Variants in CYYR1 observed in about 807,000 individuals in gnomAD.
CYYR1 encodes the protein cysteine and tyrosine rich 1, also known as cysteine and tyrosine-rich protein 1.
Under a neutral mutation model 15.2 loss-of-function variants are expected in CYYR1, and 14 were observed. The observed-to-expected ratio is 0.92, with a 90% CI of 0.61 to 1.44. The LOEUF (loss-of-function observed/expected upper bound fraction) is 1.44, where lower values mean the gene tolerates loss of function less well. Among genes scored for constraint, CYYR1 ranks in the 40% most tolerant of loss-of-function variants. CYYR1 has a pLI of 0.00. For missense variants in CYYR1, 228 were observed against 209.5 expected (o/e 1.09, Z -0.54); for synonymous variants, 80 against 77.4 (o/e 1.03, Z -0.18).
chr21:26,468,656 ACAT>A, intron 3 of CYYR1, 22 bp from the exon 4 acceptor site: 3 of 1,541,220 alleles, frequency 1.9e-6, no homozygotes, highest in Non-Finnish European at 2.7e-6. Context: ...GGGGAAGAGA[ACAT>A]CAAGGAGTTA....
intron 2 of CYYR1, among the ~76,000 whole-genome samples, chr21:26,523,667 G>T (rs138505937): frequency 1.3e-4 from 20 of 152,130 alleles, no homozygotes; most frequent in African/African-American, 4.1e-4. Flanking sequence ...TAAATCTTTG[G>T]CTAGAAATAC....
intron 2 of CYYR1, chr21:26,506,425 G>C (rs573812311): frequency 6.6e-6 from 1 of 152,136 alleles, no homozygotes; most frequent in Non-Finnish European, 1.5e-5. Context: ...ATTTTTGACT[G>C]TCATTGTATT....
chr21:26,530,536 A>C (rs2065918594), intron 2 of CYYR1, among the ~76,000 whole-genome samples: 1 of 152,062 alleles, frequency 6.6e-6, no homozygotes, highest in African/African-American at 2.4e-5. Flanking sequence ...ATATGTATAC[A>C]CGTGCCATGG....
intron 2 of CYYR1, among the ~76,000 whole-genome samples, chr21:26,530,205 T>G (rs2065914178): frequency 6.6e-6 from 1 of 152,170 alleles, no homozygotes; most frequent in Non-Finnish European, 1.5e-5. Flanking sequence ...GAATTCAATC[T>G]GCTCCAGCAG....
At chr21:26,558,751 T>G (rs1217630449) in intron 2 of CYYR1, among the ~76,000 whole-genome samples, 1 of 152,218 alleles carries the variant, frequency 6.6e-6, no homozygotes, top group Non-Finnish European at 1.5e-5. Context: ...CACATTGCTC[T>G]TCAGTTAGCT....
Position 26,467,003 on chromosome 21 carries a change from AG to A in CYYR1, c.*1497del, listed in dbSNP as rs1233021264. On this transcript the variant is annotated 3_prime_UTR_variant, in exon 4 of 4. Coordinates refer to ENST00000652641, the MANE Select transcript of CYYR1 (RefSeq NM_001320768.2). ...TATATGCTACTTATAATAATGATAT[AG>A]TAAGCTTCTTATCTGCAAGTACAGG... The A allele has an allele frequency of 6.6e-6, 1 of 152,214 alleles. No individual in the cohort carries two copies. The highest frequency in any genetic ancestry group is 1.5e-5 in the Non-Finnish European group (1 of 68,034). The allele number at this position is 152,214 out of a possible 1,614,324, so 9.4% of individuals were successfully genotyped here.
chr21:26,549,240 A>C (rs1025757801), intron 2 of CYYR1, among the ~76,000 whole-genome samples: 2 of 152,254 alleles, frequency 1.3e-5, no homozygotes, highest in South Asian at 2.1e-4. Context: ...GAAAACAATA[A>C]ATTTTGGGGT....
rs565848324 is a variant in CYYR1, at chr21:26,501,241, A to G, written c.177-20812T>C. 4.6e-5 allele frequency among the ~76,000 whole-genome samples: 7 copies of G among 152,228 alleles called. No individual in the cohort carries two copies. The East Asian group carries it at 1.4e-3, about 29-fold the overall frequency. On this transcript the variant is annotated intron_variant, in intron 2 of 3. Transcript: ENST00000652641. ...CAATCCTAGCTACTCGGGAGGCTGA[A>G]GCAGGAGAATCGCTTGAACCGGGAG...
chr21:26,543,628 G>C (rs1306029843), intron 2 of CYYR1, among the ~76,000 whole-genome samples: 7 of 152,212 alleles, frequency 4.6e-5, no homozygotes, highest in Non-Finnish European at 8.8e-5. Flanking sequence ...ACATATAGCT[G>C]GGCGTGGTGG....
intron 3 of CYYR1, among the ~76,000 whole-genome samples, chr21:26,479,373 T>C (rs552249971): frequency 5.9e-5 from 9 of 151,456 alleles, no homozygotes; most frequent in Admixed American, 2.6e-4. Flanking sequence ...CACAGTTGCA[T>C]GTAGAAGGTA....
At chr21:26,545,152 A>G (rs574314847) in intron 2 of CYYR1, among the ~76,000 whole-genome samples, 31 of 152,136 alleles carry the variant, frequency 2.0e-4, no homozygotes, top group African/African-American at 7.5e-4. Context: ...TATTGAAATT[A>G]TATAATATAT....
chr21:26,543,831 G>A (rs929709336), intron 2 of CYYR1, among the ~76,000 whole-genome samples: 3 of 152,016 alleles, frequency 2.0e-5, no homozygotes, highest in South Asian at 2.1e-4. Flanking sequence ...GCTTGAACCC[G>A]GGAGGCGGAG....
intron 2 of CYYR1, among the ~76,000 whole-genome samples, chr21:26,504,224 G>GTATT (rs59992346): frequency 0.19 from 28,218 of 150,452 alleles, 2,684 homozygotes; most frequent in African/African-American, 0.19. Flanking sequence ...TCTTTGTGAT[G>GTATT]TATTTATTTA....
At chr21:26,492,481 C>A (rs887174666) in intron 2 of CYYR1, among the ~76,000 whole-genome samples, 3 of 152,166 alleles carry the variant, frequency 2.0e-5, no homozygotes, top group African/African-American at 7.2e-5. Flanking sequence ...ACACACACTG[C>A]AACTTTGTAT....
intron 2 of CYYR1, among the ~76,000 whole-genome samples, chr21:26,508,220 G>A (rs112607662): frequency 1.3e-5 from 2 of 152,276 alleles, no homozygotes; most frequent in African/African-American, 4.8e-5. Context: ...TGCAGCAAAT[G>A]TTGCAATCCA....
chr21:26,521,964 A>G (rs7282034), intron 2 of CYYR1, among the ~76,000 whole-genome samples: 29,080 of 152,146 alleles, frequency 0.19, 2,859 homozygotes, highest in Middle Eastern at 0.26. Context: ...ATGGATTGAA[A>G]AGTTGACTCT....
chr21:26,572,088 G>A (rs1981042713), intron 1 of CYYR1, among the ~76,000 whole-genome samples: 1 of 152,144 alleles, frequency 6.6e-6, no homozygotes, highest in Non-Finnish European at 1.5e-5. Flanking sequence ...TGCGATTTTT[G>A]TCATAGGACG....
chr21:26,571,177 T>G (rs140666729), intron 1 of CYYR1, among the ~76,000 whole-genome samples: 155 of 152,290 alleles, frequency 1.0e-3, no homozygotes, highest in African/African-American at 3.5e-3. Context: ...TCAACATACC[T>G]CACTCAGTAA....
At chr21:26,552,612 A>C (rs1979477256) in intron 2 of CYYR1, among the ~76,000 whole-genome samples, 1 of 151,938 alleles carries the variant, frequency 6.6e-6, no homozygotes, top group South Asian at 2.1e-4. Context: ...ATTTTAATTG[A>C]TCTACTATGA....
Sources: allele counts gnomAD v4.1 joint callset (sites outside exome capture counted in the v4.1 genomes callset), GRCh38; gene constraint gnomAD v4.1.1; transcripts MANE v1.5; gene names NCBI Gene and HGNC (gene_info 2026-07-23, HGNC 2026-07-21).